EIF2A: variants seen among roughly 807,000 people sequenced by gnomAD.
The protein encoded by EIF2A is eukaryotic translation initiation factor 2A.
A neutral mutation model predicts 75.2 loss-of-function variants in EIF2A; 62 were observed. The ratio of observed to expected loss-of-function variants is 0.82; its 90% CI spans 0.67 to 1.02. The LOEUF is 1.02. Among genes scored for constraint, EIF2A ranks in the 50% least tolerant of loss-of-function variants. EIF2A has a pLI of 0.00. For missense variants in EIF2A, 611 were observed against 677.7 expected (o/e 0.90, Z 1.09); for synonymous variants, 207 against 239.0 (o/e 0.87, Z 1.23).
Position 150,564,375 on chromosome 3 carries a change from A to C in EIF2A, c.469A>C (p.Asn157His). 1.3e-6 allele frequency: 2 copies of C among 1,592,230 alleles called. No individual in the cohort carries two copies. Among genetic ancestry groups the C allele is most frequent in the Non-Finnish European group, 1.7e-6 (2 of 1,170,650 alleles). Reference sequence around the variant, plus strand: ...TGAAGTTCACTTCTTTGAAAACAACAATTTTAGTATGGAAAGATTTATGAC... The same window carrying C: ...TGAAGTTCACTTCTTTGAAAACAACCATTTTAGTATGGAAAGATTTATGAC... The part of the protein sequence containing the change: ...NNEVHFFENN[N>H]FNTIANKLHL... Residue 157 changes from asparagine to histidine, a missense_variant, in exon 6 of 14, where the codon AAT becomes CAT. Asn to His is a moderately conservative substitution (Grantham distance 68, BLOSUM62 1). Coordinates refer to ENST00000460851, the MANE Select transcript of EIF2A (RefSeq NM_032025.5).
chr3:150,552,677 A>T (rs901856992), intron 2 of EIF2A: 4 of 289,992 alleles, frequency 1.4e-5, no homozygotes, highest in African/African-American at 8.7e-5. Context: ...ACACTAGTGT[A>T]ATTGAATACA....
At chr3:150,570,924 G>A (rs1445393248) in intron 9 of EIF2A, among the ~76,000 whole-genome samples, 5 of 151,722 alleles carry the variant, frequency 3.3e-5, no homozygotes, top group Non-Finnish European at 5.9e-5. Context: ...AAATTAGCCC[G>A]GCGTGGTGGC....
rs768662074 is a variant in EIF2A, at chr3:150,583,227, G to A, written c.1654G>A (p.Glu552Lys). 2.5e-6 allele frequency: 4 copies of A among 1,612,804 alleles called. No homozygotes were observed. Among genetic ancestry groups the A allele is most frequent in the Non-Finnish European group, 3.4e-6 (4 of 1,179,460 alleles). The change falls in exon 13 of 14, where the codon GAA becomes AAA. Residue 552 changes from glutamate to lysine, a missense_variant. Physicochemically the swap from Glu to Lys is moderately conservative, Grantham distance 56. Transcript: ENST00000460851. Reference sequence around the variant, plus strand: ...ACTGAAAGCAATCGAACAACTGAAAGAACAAGCAGCAACTGGAAAACAGCT... The same window carrying A: ...ACTGAAAGCAATCGAACAACTGAAAAAACAAGCAGCAACTGGAAAACAGCT... ...KKLKAIEQLKEQAATGKQLEK... is the reference protein window; with the variant it reads ...KKLKAIEQLKKQAATGKQLEK...
chr3:150,552,304 CTGAG>C (rs768271564), intron 1 of EIF2A, 48 bp from the exon 2 acceptor site: 1 of 1,445,632 alleles, frequency 6.9e-7, no homozygotes, highest in South Asian at 1.3e-5. Context: ...TTTGTGTTAA[CTGAG>C]TCTTTATTAA....
chr3:150,553,894 C>T (rs1173181119), intron 2 of EIF2A, among the ~76,000 whole-genome samples: 1 of 152,150 alleles, frequency 6.6e-6, no homozygotes, highest in Non-Finnish European at 1.5e-5. Flanking sequence ...TTTCCTAGTT[C>T]TGGCCAATGA....
At chr3:150,562,031 T>A (rs1374177653) in intron 3 of EIF2A, among the ~76,000 whole-genome samples, 5 of 151,918 alleles carry the variant, frequency 3.3e-5, no homozygotes, top group Non-Finnish European at 7.4e-5. Context: ...AGTGCTGGGA[T>A]TACAGGTGTG....
chr3:150,564,421 AATCG>A, intron 6 of EIF2A, 40 bp downstream of exon 6: 1 of 1,487,086 alleles, frequency 6.7e-7, no homozygotes, highest in Non-Finnish European at 9.1e-7. Flanking sequence ...TACTTACTGT[AATCG>A]TATACAGTTT....
chr3:150,567,661 A>G (rs1455316736), intron 6 of EIF2A, 32 bp from the exon 7 acceptor site: 1 of 1,417,252 alleles, frequency 7.1e-7, no homozygotes, highest in South Asian at 1.3e-5. Flanking sequence ...AGGTTCTCTC[A>G]TCAATCTGAT....
At position 150,585,336 on chromosome 3, in the gene EIF2A, A is replaced by G. The variant is rs1725411724; in HGVS notation, c.*1425A>G. 1 of 152,252 alleles carries G rather than the reference A, an allele frequency of 6.6e-6. No individual in the cohort carries two copies. The allele number at this position is 152,252 out of a possible 1,614,324, so 9.4% of individuals were successfully genotyped here. ...GGAGTTCAAGACCAGCCTGATCAAC[A>G]TGGTGAAACCCCATCTCTACTAAAA... On this transcript the variant is annotated 3_prime_UTR_variant, in exon 14 of 14. Coordinates refer to ENST00000460851, the MANE Select transcript of EIF2A (RefSeq NM_032025.5).
chr3:150,567,567 C>A, intron 6 of EIF2A, 126 bp from the exon 7 acceptor site: 2 of 682,296 alleles, frequency 2.9e-6, no homozygotes, highest in Non-Finnish European at 4.9e-6. Flanking sequence ...CTGTATCTCA[C>A]CAGGAGGAGA....
intron 4 of EIF2A, chr3:150,562,914 G>A: frequency 3.9e-6 from 1 of 253,434 alleles, no homozygotes; most frequent in Non-Finnish European, 7.7e-6. Flanking sequence ...AAGCTCAAGG[G>A]AAAATTCAGG....
chr3:150,566,597 A>G (rs1461585105), intron 6 of EIF2A: 1 of 152,074 alleles, frequency 6.6e-6, no homozygotes, highest in African/African-American at 2.4e-5. Context: ...GAAGACTACA[A>G]GGTTTTTATT....
Position 150,583,971 on chromosome 3 carries a change from C to A in EIF2A, c.*60C>A. The A allele has an allele frequency of 1.3e-6, 2 of 1,521,968 alleles. No homozygotes were observed. The highest frequency in any genetic ancestry group is 1.8e-6 in the Non-Finnish European group (2 of 1,098,758). 94.3% of individuals were successfully genotyped at this position (1,521,968 alleles called of 1,614,324 possible). ...AGTGCAAACACATCTTCTGTTAAAC[C>A]CATTGGTATACACAGAATATTCCTG... On this transcript the variant is annotated 3_prime_UTR_variant, in exon 14 of 14. Transcript: ENST00000460851.
chr3:150,583,189 G>A lies in EIF2A; in HGVS notation c.1627-11G>A, dbSNP rs1308594249. 2 of 1,609,310 alleles carry A rather than the reference G, an allele frequency of 1.2e-6. No homozygotes were observed. Among genetic ancestry groups the A allele is most frequent in the Non-Finnish European group, 1.7e-6 (2 of 1,178,562 alleles). On this transcript the variant is annotated splice_polypyrimidine_tract_variant and intron_variant, in intron 12 of 13. Transcript: ENST00000460851. Reference sequence around the variant, plus strand: ...TCTTCCATGCTCTTGACTCATATTTGATGTTTGCAGAAACTGAAAGCAATC... The same window carrying A: ...TCTTCCATGCTCTTGACTCATATTTAATGTTTGCAGAAACTGAAAGCAATC...
chr3:150,581,685 C>G lies in EIF2A; in HGVS notation c.1565C>G (p.Thr522Ser). Reference protein sequence around the residue: ...TPAPQSTPRNTVSQSISGDPE... With the variant: ...TPAPQSTPRNSVSQSISGDPE... ...GCCCCACAGAGCACACCACGAAACA[C>G]TGTCTCTCAGTCAATTTCTGGGGAC... The change falls in exon 12 of 14, where the codon ACT (threonine) becomes AGT (serine). Residue 522 changes from threonine (T) to serine (S), a missense_variant. Transcript: ENST00000460851. 1 of 1,553,616 alleles carries G rather than the reference C, an allele frequency of 6.4e-7. No individual in the cohort carries two copies. Among genetic ancestry groups the G allele is most frequent in the East Asian group, 2.4e-5 (1 of 41,142 alleles).
chr3:150,582,966 C>T (rs949068972), intron 12 of EIF2A, among the ~76,000 whole-genome samples: 13 of 152,090 alleles, frequency 8.5e-5, no homozygotes, highest in African/African-American at 2.7e-4. Flanking sequence ...CATGCATACA[C>T]GATAACATTA....
intron 3 of EIF2A, among the ~76,000 whole-genome samples, chr3:150,559,326 C>A (rs1723728625): frequency 6.6e-6 from 1 of 151,972 alleles, no homozygotes; most frequent in African/African-American, 2.4e-5. Flanking sequence ...GCAGAATTAG[C>A]TTTTATAATT....
Position 150,573,088 on chromosome 3 carries a change from A to C in EIF2A, c.1383+559A>C, listed in dbSNP as rs146284453. Among the ~76,000 whole-genome samples, 666 of 152,236 alleles carry C rather than the reference A, an allele frequency of 4.4e-3. 7 individuals carry two copies. The highest frequency in any genetic ancestry group is 0.015 in the African/African-American group (634 of 41,530). ...CTATTTCTGTATTGGAATTTTCCTT[A>C]CCTCAGATAAAAACAAAAGTAACTC... is the stretch of plus-strand genomic sequence containing the variant. On this transcript the variant is annotated intron_variant, in intron 10 of 13. Coordinates refer to ENST00000460851, the MANE Select transcript of EIF2A (RefSeq NM_032025.5).
chr3:150,576,445 A>C (rs924764863), intron 11 of EIF2A, among the ~76,000 whole-genome samples: 1 of 152,184 alleles, frequency 6.6e-6, no homozygotes, highest in African/African-American at 2.4e-5. Flanking sequence ...AAAAAGAAAA[A>C]AAGCACAAAA....
Sources: allele counts gnomAD v4.1 joint callset (sites outside exome capture counted in the v4.1 genomes callset), GRCh38; gene constraint gnomAD v4.1.1; transcripts MANE v1.5; gene names NCBI Gene and HGNC (gene_info 2026-07-23, HGNC 2026-07-21).